PIK3R3: variants seen among roughly 807,000 people sequenced by gnomAD.
PIK3R3 encodes phosphatidylinositol 3-kinase regulatory subunit gamma.
PIK3R3 carries 64 observed loss-of-function variants against 62.9 expected under a neutral mutation model. The observed-to-expected ratio is 1.02, with a 90% CI of 0.83 to 1.25. PIK3R3 has a LOEUF of 1.25. Ranked by LOEUF, PIK3R3 falls within the 50% of genes most tolerant of loss-of-function variation. The pLI, the probability that PIK3R3 is intolerant of heterozygous loss-of-function variation, is 0.00. For missense variants in PIK3R3, 614 were observed against 561.6 expected (o/e 1.09, Z -0.94); for synonymous variants, 165 against 189.0 (o/e 0.87, Z 1.04).
At chr1:46,089,680 A>C (rs1381212613) in intron 1 of PIK3R3, among the ~76,000 whole-genome samples, 1 of 150,064 alleles carries the variant, frequency 6.7e-6, no homozygotes, top group Admixed American at 6.8e-5. Context: ...ACGCCACTGC[A>C]CTCCAGCCTA....
intron 1 of PIK3R3, among the ~76,000 whole-genome samples, chr1:46,116,475 G>A (rs1475222519): frequency 6.6e-6 from 1 of 152,094 alleles, no homozygotes; most frequent in Admixed American, 6.6e-5. Context: ...CTATGATCAG[G>A]GCACCGCATG....
chr1:46,132,254 A>G lies in PIK3R3; in HGVS notation c.-302T>C. The G allele has an allele frequency of 8.7e-7, 1 of 1,152,852 alleles. No homozygotes were observed. Among genetic ancestry groups the G allele is most frequent in the Middle Eastern group, 3.9e-4 (1 of 2,584 alleles). 71.4% of individuals were successfully genotyped at this position (1,152,852 alleles called of 1,614,324 possible). ...AAGCGGCTTCCCAAAAATCCTTTCT[A>G]CACAGTCGCTCTCCGGGGAGAAAAG... On this transcript the variant is annotated 5_prime_UTR_variant, in exon 1 of 10. Coordinates refer to ENST00000262741, the MANE Select transcript of PIK3R3 (RefSeq NM_003629.4).
At chr1:46,112,288 A>G (rs757166803) in intron 1 of PIK3R3, among the ~76,000 whole-genome samples, 2 of 152,254 alleles carry the variant, frequency 1.3e-5, no homozygotes, top group Admixed American at 6.5e-5. Flanking sequence ...ATACAGACTT[A>G]TAACACATTC....
At chr1:46,054,848 A>C (rs1159777229) in intron 7 of PIK3R3, among the ~76,000 whole-genome samples, 2 of 151,674 alleles carry the variant, frequency 1.3e-5, no homozygotes, top group Non-Finnish European at 3.0e-5. Context: ...TTCACTACTC[A>C]AATTACCTCA....
chr1:46,139,988 A>C, the PIK3R3 span, among the ~76,000 whole-genome samples: 1 of 151,826 alleles, frequency 6.6e-6, no homozygotes, highest in Non-Finnish European at 1.5e-5. Flanking sequence ...CCCATCTGAA[A>C]TTTTTTTGAG....
At chr1:46,112,512 G>A (rs1235410630) in intron 1 of PIK3R3, among the ~76,000 whole-genome samples, 1 of 152,148 alleles carries the variant, frequency 6.6e-6, no homozygotes, top group Non-Finnish European at 1.5e-5. Context: ...AACAGCTGCA[G>A]CAATTCACAT....
At chr1:46,173,923 C>A in the PIK3R3 span, among the ~76,000 whole-genome samples, 6 of 151,982 alleles carry the variant, frequency 3.9e-5, no homozygotes, top group African/African-American at 1.5e-4. Context: ...GTCCCAGGGC[C>A]GCAGGGGCAG....
rs1314920706 is a variant in PIK3R3 at position 46,045,799 on chromosome 1, CGAGCCATGGG to C, written c.1187+109_1187+118del. ...TTTTTTTGTACTAATAGTTATGGTC[CGAGCCATGGG>C]TCCTCGTTACTGTACATTAACTAAT... On this transcript the variant is annotated intron_variant, in intron 9 of 9. Coordinates refer to ENST00000262741, the MANE Select transcript of PIK3R3 (RefSeq NM_003629.4). 3.6e-5 allele frequency: 31 copies of C among 850,644 alleles called. No homozygotes were observed. The African/African-American group carries it at 5.0e-4, about 14-fold the overall frequency. 52.7% of individuals were successfully genotyped at this position (850,644 alleles called of 1,614,324 possible). A position where few individuals can be genotyped will look rare whatever the true frequency, so the allele number is the denominator to read the frequency against.
At position 46,066,107 on chromosome 1, in the gene PIK3R3, C is replaced by A; in HGVS notation, c.568G>T (p.Glu190Ter). The change falls in exon 5 of 10, where the codon GAG (glutamate) becomes TAG (stop). Residue 190 changes from glutamate (E) to a stop codon, truncating the protein, a stop_gained. Transcript: ENST00000262741. LOFTEE classifies it high-confidence loss of function. ...AGCCTATCATACTCTTTACTCTTCT[C>A]CTGATACTGAGAGTGGTATTCTTGC... is the stretch of plus-strand genomic sequence containing the variant. ...KLQEYHSQYQ[E>*]KSKEYDRLYE... 4 of 1,601,174 alleles carry A rather than the reference C, an allele frequency of 2.5e-6. No individual in the cohort carries two copies. Among genetic ancestry groups the A allele is most frequent in the Non-Finnish European group, 8.6e-7 (1 of 1,168,604 alleles).
At chr1:46,112,524 TCCA>T (rs1158423592) in intron 1 of PIK3R3, among the ~76,000 whole-genome samples, 1 of 152,196 alleles carries the variant, frequency 6.6e-6, no homozygotes, top group Non-Finnish European at 1.5e-5. Context: ...AATTCACATC[TCCA>T]CCAATAGTGA....
intron 1 of PIK3R3, among the ~76,000 whole-genome samples, chr1:46,082,584 TACAC>T (rs1383682753): frequency 1.3e-5 from 2 of 152,178 alleles, no homozygotes; most frequent in African/African-American, 4.8e-5. Context: ...TTGTGGGAAA[TACAC>T]ACAACATGGT....
chr1:46,059,085 G>T lies in PIK3R3; in HGVS notation c.764+2844C>A, dbSNP rs148434468. Among the ~76,000 whole-genome samples, 333 of 152,324 alleles carry T rather than the reference G, an allele frequency of 2.2e-3. 2 individuals are homozygous for T. Among genetic ancestry groups the T allele is most frequent in the African/African-American group, 7.8e-3 (325 of 41,572 alleles). On this transcript the variant is annotated intron_variant, in intron 6 of 9. Coordinates refer to ENST00000262741, the MANE Select transcript of PIK3R3 (RefSeq NM_003629.4). ...GTAGTGAGTAAGTTTCACGAGATCT[G>T]ATGGTTTTATCAGGGATTTCTGCTT...
At chr1:46,162,419 C>T in the PIK3R3 span, among the ~76,000 whole-genome samples, 3 of 151,788 alleles carry the variant, frequency 2.0e-5, no homozygotes, top group Non-Finnish European at 4.4e-5. Flanking sequence ...TGCAGTGAAC[C>T]GAGATCGTCC....
intron 1 of PIK3R3, among the ~76,000 whole-genome samples, chr1:46,103,923 T>C (rs575074074): frequency 2.0e-5 from 3 of 149,518 alleles, no homozygotes; most frequent in African/African-American, 7.4e-5. Context: ...TATGTGAAGG[T>C]CTTTTTTTTG....
intron 7 of PIK3R3, among the ~76,000 whole-genome samples, chr1:46,052,508 A>G (rs1647450782): frequency 6.6e-6 from 1 of 152,196 alleles, no homozygotes; most frequent in South Asian, 2.1e-4. Context: ...CATAAAGCAC[A>G]TTAATCTTAA....
At position 46,041,497 on chromosome 1, in the gene PIK3R3, GAC is replaced by G; in HGVS notation, c.*2174_*2175del. 5.7e-6 allele frequency: 1 copy of G among 176,144 alleles called. No homozygotes were observed. The highest frequency in any genetic ancestry group is 1.2e-5 in the Non-Finnish European group (1 of 81,514). 10.9% of individuals were successfully genotyped at this position (176,144 alleles called of 1,614,324 possible). A position where few individuals can be genotyped will look rare whatever the true frequency, so the allele number is the denominator to read the frequency against. ...GCTGGTGTCTGCCCAACAAGGAGCA[GAC>G]ACATTACTGAATACTACAGCCCTGT... On this transcript the variant is annotated 3_prime_UTR_variant, in exon 10 of 10. Transcript: ENST00000262741.
Position 46,073,682 on chromosome 1 carries a change from C to T in PIK3R3, c.314+3833G>A, listed in dbSNP as rs564565062. ...TCACCCAGGCCGGAGTGCAGTGGCG[C>T]GATCTTGGCTCACTGCAACCTCCAC... On this transcript the variant is annotated intron_variant, in intron 3 of 9. Transcript: ENST00000262741. 3.3e-5 allele frequency among the ~76,000 whole-genome samples: 5 copies of T among 152,012 alleles called. No homozygotes were observed. In the East Asian group the frequency reaches 5.8e-4, roughly 18 times the overall value.
intron 4 of PIK3R3, 56 bp from the exon 5 acceptor site, chr1:46,066,235 T>TAGATTTTCC (rs1447875999): frequency 8.1e-7 from 1 of 1,233,250 alleles, no homozygotes; most frequent in Non-Finnish European, 1.2e-6. Flanking sequence ...TATGTGGAAA[T>TAGATTTTCC]AGATTTTCCA....
upstream of PIK3R3, chr1:46,133,040 G>A: frequency 9.8e-7 from 1 of 1,021,516 alleles, no homozygotes; most frequent in Non-Finnish European, 1.2e-6. Flanking sequence ...GCCGGTTGCC[G>A]GAGCCTGGAG....
Sources: allele counts gnomAD v4.1 joint callset (sites outside exome capture counted in the v4.1 genomes callset), GRCh38; gene constraint gnomAD v4.1.1; transcripts MANE v1.5; gene names NCBI Gene and HGNC (gene_info 2026-07-23, HGNC 2026-07-21).